Variants in IBTK observed in about 807,000 individuals in gnomAD.
IBTK encodes the protein BTK-binding protein.
A neutral mutation model predicts 154.9 loss-of-function variants in IBTK; 83 were observed. The ratio of observed to expected loss-of-function variants is 0.54; its 90% CI spans 0.45 to 0.64. The LOEUF is 0.64. Among genes scored for constraint, IBTK ranks in the 30% least tolerant of loss-of-function variants. The probability of loss-of-function intolerance (pLI) is 0.00; values close to 1 mark genes in which losing one functional copy is unlikely to be tolerated. For missense variants in IBTK, 1,332 were observed against 1,584.6 expected, an observed-to-expected ratio of 0.84 and a Z score of 2.71; for synonymous variants, 515 against 536.1, an observed-to-expected ratio of 0.96 and a Z score of 0.54.
rs1181700860 is a variant in IBTK, at chr6:82,200,207, G to A, written c.2959C>T (p.Arg987Cys). Residue 987 changes from arginine (R) to cysteine (C), a missense_variant, in exon 21 of 29, where the codon CGT becomes TGT. Coordinates refer to ENST00000306270, the MANE Select transcript of IBTK (RefSeq NM_015525.4). ...KAKTKAKKKP[R>C]KRSDSSGGYN... is the part of the protein sequence containing the mutation. The stretch of plus-strand genomic sequence containing the variant: ...CCTCCAGAACTATCTGAACGTTTAC[G>A]TGGCTTCTTTTTAGCTTTTGTTTTT... 1.9e-5 allele frequency: 30 copies of A among 1,613,598 alleles called. No homozygotes were observed. Among genetic ancestry groups the A allele is most frequent in the Admixed American group, 1.8e-4 (11 of 59,974 alleles).
chr6:82,246,943 G>GA (rs796161888), intron 1 of IBTK, among the ~76,000 whole-genome samples: 161 of 152,204 alleles, frequency 1.1e-3, no homozygotes, highest in African/African-American at 3.7e-3. Context: ...AACTACGTTG[G>GA]AAAACAGGAG....
intron 3 of IBTK, 28 bp downstream of exon 3, chr6:82,234,131 G>C: frequency 8.4e-7 from 1 of 1,185,980 alleles, no homozygotes; most frequent in African/African-American, 1.5e-5. Context: ...GAGCCGCAGC[G>C]CCCAGCCCAT....
At chr6:82,192,239 C>G (rs1768796271) in intron 23 of IBTK, among the ~76,000 whole-genome samples, 1 of 152,108 alleles carries the variant, frequency 6.6e-6, no homozygotes, top group African/African-American at 2.4e-5. Flanking sequence ...GGCAGAAAAA[C>G]TCACCAAAGT....
intron 8 of IBTK, among the ~76,000 whole-genome samples, chr6:82,221,114 G>A (rs1165461239): frequency 2.6e-5 from 4 of 152,118 alleles, no homozygotes; most frequent in Non-Finnish European, 4.4e-5. Context: ...ATCATTTGAG[G>A]CCAGAAGTTC....
chr6:82,232,913 G>A lies in IBTK; in HGVS notation c.419-1071C>T, dbSNP rs542347157. On this transcript the variant is annotated intron_variant, in intron 3 of 28. Coordinates refer to ENST00000306270, the MANE Select transcript of IBTK (RefSeq NM_015525.4). ...CATGCCTGTAATCCCAGCACTTTGG[G>A]AGACCGAGGCAGACGGATCACCTGA... Among the ~76,000 whole-genome samples the A allele has an allele frequency of 7.2e-5, 11 of 152,268 alleles. No individual in the cohort carries two copies. In the East Asian group the frequency reaches 1.5e-3, roughly 21 times the overall value.
chr6:82,245,656 T>C (rs538215608), intron 1 of IBTK, among the ~76,000 whole-genome samples: 1 of 152,276 alleles, frequency 6.6e-6, no homozygotes, highest in African/African-American at 2.4e-5. Context: ...AGAATCATCT[T>C]GGTCCATTCC....
chr6:82,241,564 A>C (rs918273759), intron 1 of IBTK, among the ~76,000 whole-genome samples: 5 of 151,806 alleles, frequency 3.3e-5, no homozygotes, highest in Non-Finnish European at 7.4e-5. Flanking sequence ...TAAATTCTAG[A>C]TGGTTCAAAG....
chr6:82,182,100 A>G, intron 25 of IBTK, 72 bp from the exon 26 acceptor site: 1 of 1,456,712 alleles, frequency 6.9e-7, no homozygotes, highest in Non-Finnish European at 9.3e-7. Context: ...TTATAAGAGA[A>G]CAATAAGAAC....
chr6:82,213,117 T>G (rs962644266), intron 12 of IBTK, among the ~76,000 whole-genome samples: 6 of 151,892 alleles, frequency 4.0e-5, no homozygotes, highest in African/African-American at 1.5e-4. Flanking sequence ...AACCTCCACC[T>G]CCCAGGTTCA....
intron 17 of IBTK, 107 bp from the exon 18 acceptor site, chr6:82,202,752 G>GA (rs887791516): frequency 3.3e-5 from 21 of 634,770 alleles, no homozygotes; most frequent in Admixed American, 6.1e-5. Flanking sequence ...TTGGAATAAA[G>GA]AAAAAAAAGT....
At chr6:82,237,397 T>TTATTAATGGTAGAGAA (rs1770755705) in intron 2 of IBTK, among the ~76,000 whole-genome samples, 2 of 152,134 alleles carry the variant, frequency 1.3e-5, no homozygotes, top group Non-Finnish European at 2.9e-5. Context: ...AGGAATCTTC[T>TTATTAATGGTAGAGAA]CTACCATTAA....
intron 25 of IBTK, among the ~76,000 whole-genome samples, chr6:82,185,196 A>AC (rs1331295780): frequency 6.6e-6 from 1 of 151,442 alleles, no homozygotes; most frequent in Non-Finnish European, 1.5e-5. Context: ...AAAAAAAAAA[A>AC]AAAAAAAAAA....
At chr6:82,191,004 C>A in intron 25 of IBTK, 69 bp downstream of exon 25, 1 of 1,140,868 alleles carries the variant, frequency 8.8e-7, no homozygotes, top group Non-Finnish European at 1.2e-6. Flanking sequence ...GAAGGAACTC[C>A]AAAGTCAAGT....
chr6:82,208,891 T>TA (rs1256463818), intron 16 of IBTK, among the ~76,000 whole-genome samples: 4 of 151,896 alleles, frequency 2.6e-5, no homozygotes, highest in African/African-American at 9.7e-5. Flanking sequence ...TGCAACATTA[T>TA]AAAAAAACAA....
intron 26 of IBTK, 66 bp downstream of exon 26, chr6:82,181,812 AG>A: frequency 1.8e-6 from 2 of 1,141,488 alleles, no homozygotes; most frequent in South Asian, 1.7e-5. Flanking sequence ...GGATTATTTC[AG>A]AACATAAAAC....
Position 82,173,420 on chromosome 6 carries a change from G to A in IBTK, c.3744C>T (p.Thr1248=). ...PKIVRCSTHG[T]PGPEGNHISD... is the part of the protein sequence containing the mutation. ...AAATATGGTTGCCTTCTGGTCCTGG[G>A]GTACCATGGGTAGAGCATCTGCAAA... is the stretch of plus-strand genomic sequence containing the variant. The change falls in exon 27 of 29, where the codon ACC becomes ACT. Residue 1248 remains threonine (T), a synonymous_variant. Transcript: ENST00000306270. The A allele has an allele frequency of 6.2e-7, 1 of 1,613,206 alleles. No individual in the cohort carries two copies. The highest frequency in any genetic ancestry group is 8.5e-7 in the Non-Finnish European group (1 of 1,179,466).
Position 82,240,688 on chromosome 6 carries a change from G to C in IBTK, c.-202C>G. 1 of 516,126 alleles carries C rather than the reference G, an allele frequency of 1.9e-6. No homozygotes were observed. Among genetic ancestry groups the C allele is most frequent in the Non-Finnish European group, 3.4e-6 (1 of 295,896 alleles). The allele number at this position is 516,126 out of a possible 1,614,324, so 32.0% of individuals were successfully genotyped here. A position where few individuals can be genotyped will look rare whatever the true frequency, so the allele number is the denominator to read the frequency against. On this transcript the variant is annotated 5_prime_UTR_variant, in exon 2 of 29. Transcript: ENST00000306270. ...ACTTAAATCAAAAAAATTATAAATA[G>C]CTCTATAAAGTTCATATCAAATACA...
At position 82,237,443 on chromosome 6, in the gene IBTK, T is replaced by TG. The variant is rs375553046; in HGVS notation, c.321+2722dup. ...AATGCTTTACTTCATGGATAGTCCCTGGGGGGGAAAAAAAAAGGAAAGTGC... is the reference window on the plus strand; with the variant it reads ...AATGCTTTACTTCATGGATAGTCCCTGGGGGGGGAAAAAAAAAGGAAAGTGC... On this transcript the variant is annotated intron_variant, in intron 2 of 28. Transcript: ENST00000306270. 3.0e-3 allele frequency among the ~76,000 whole-genome samples: 448 copies of TG among 151,422 alleles called. 2 individuals carry two copies. Among genetic ancestry groups the TG allele is most frequent in the African/African-American group, 0.01 (420 of 41,274 alleles).
chr6:82,194,194 T>C (rs754620101), intron 23 of IBTK, among the ~76,000 whole-genome samples: 51 of 152,220 alleles, frequency 3.4e-4, no homozygotes, highest in Non-Finnish European at 5.6e-4. Context: ...ATACATATTA[T>C]CTAAGAAATA....
Sources: gnomAD v4.1 joint callset for allele counts (sites outside exome capture counted in the v4.1 genomes callset) on GRCh38, gnomAD v4.1.1 for gene constraint, MANE v1.5 for transcripts, NCBI Gene and HGNC (gene_info 2026-07-23, HGNC 2026-07-21) for gene names.